Variants in IGSF5 observed in about 807,000 individuals in gnomAD.
IGSF5 encodes the protein immunoglobulin superfamily 5 like.
IGSF5 carries 41 observed loss-of-function variants against 39.4 expected under a neutral mutation model. That is an observed-to-expected ratio of 1.04 (90% CI 0.81 to 1.35). IGSF5 has a LOEUF of 1.35. IGSF5 is among the 40% of genes most tolerant of loss of function. The pLI is 0.00. For synonymous variants in IGSF5, 183 were observed against 175.3 expected (o/e 1.04, Z -0.34); for missense variants, 487 against 494.6 (o/e 0.98, Z 0.15).
intron 3 of IGSF5, among the ~76,000 whole-genome samples, chr21:39,767,916 G>A (rs1458471705): frequency 1.3e-5 from 2 of 152,172 alleles, no homozygotes; most frequent in Non-Finnish European, 2.9e-5. Context: ...AGCAAGAGAG[G>A]AGGAGGGCAT....
chr21:39,714,916 A>G, the IGSF5 span, among the ~76,000 whole-genome samples: 1 of 152,138 alleles, frequency 6.6e-6, no homozygotes, highest in South Asian at 2.1e-4. Flanking sequence ...GGTTCTACCA[A>G]CTGTCAAGTG....
chr21:39,716,375 A>G, the IGSF5 span, among the ~76,000 whole-genome samples: 1 of 152,090 alleles, frequency 6.6e-6, no homozygotes, highest in East Asian at 1.9e-4. Flanking sequence ...GTTTGGGGGT[A>G]CATGTGAAGG....
the IGSF5 span, among the ~76,000 whole-genome samples, chr21:39,739,621 A>T: frequency 6.6e-6 from 1 of 152,194 alleles, no homozygotes; most frequent in East Asian, 1.9e-4. Flanking sequence ...GGAAAACCCA[A>T]GTGCTGTTGG....
the IGSF5 span, among the ~76,000 whole-genome samples, chr21:39,733,027 A>AAAT: frequency 2.6e-5 from 4 of 152,168 alleles, no homozygotes; most frequent in African/African-American, 7.2e-5. Context: ...CCCTGTCTCA[A>AAAT]AATAATAATA....
chr21:39,781,206 T>TA (rs1432732748), intron 5 of IGSF5, among the ~76,000 whole-genome samples: 5 of 55,970 alleles, frequency 8.9e-5, no homozygotes, highest in African/African-American at 2.9e-4. Context: ...TATATTCTCT[T>TA]CCTTACATGA....
At chr21:39,767,551 G>A (rs2080092985) in intron 3 of IGSF5, among the ~76,000 whole-genome samples, 1 of 152,120 alleles carries the variant, frequency 6.6e-6, no homozygotes, top group Non-Finnish European at 1.5e-5. Context: ...TCTATGTAAA[G>A]CCTTTACCAC....
the IGSF5 span, among the ~76,000 whole-genome samples, chr21:39,737,596 A>G: frequency 6.6e-6 from 1 of 152,146 alleles, no homozygotes; most frequent in African/African-American, 2.4e-5. Flanking sequence ...GGCTTATGAT[A>G]AAGGATATTG....
At chr21:39,731,408 C>T in the IGSF5 span, among the ~76,000 whole-genome samples, 1 of 152,188 alleles carries the variant, frequency 6.6e-6, no homozygotes, top group African/African-American at 2.4e-5. Flanking sequence ...CATGTCCTTC[C>T]ATATTCCCTT....
At chr21:39,763,867 C>T (rs1233795870) in intron 2 of IGSF5, among the ~76,000 whole-genome samples, 2 of 152,222 alleles carry the variant, frequency 1.3e-5, no homozygotes, top group African/African-American at 4.8e-5. Context: ...GAACTGTTTT[C>T]AAATTCCATT....
intron 2 of IGSF5, among the ~76,000 whole-genome samples, chr21:39,749,116 T>G (rs2079990950): frequency 6.6e-6 from 1 of 152,100 alleles, no homozygotes; most frequent in Non-Finnish European, 1.5e-5. Flanking sequence ...GTTAAAGAGT[T>G]AAAAGGCTTA....
chr21:39,737,741 C>T, the IGSF5 span, among the ~76,000 whole-genome samples: 27 of 152,226 alleles, frequency 1.8e-4, no homozygotes, highest in Middle Eastern at 3.4e-3. Context: ...ATCGTTGCAG[C>T]GTGGACAGGT....
chr21:39,754,145 G>C (rs2080018759), intron 2 of IGSF5, among the ~76,000 whole-genome samples: 1 of 152,300 alleles, frequency 6.6e-6, no homozygotes, highest in South Asian at 2.1e-4. Flanking sequence ...TCTGTTTCAA[G>C]ATTTAGAACT....
At chr21:39,793,409 A>C in intron 7 of IGSF5, 125 bp from the exon 8 acceptor site, 1 of 633,194 alleles carries the variant, frequency 1.6e-6, no homozygotes, top group Non-Finnish European at 2.8e-6. Flanking sequence ...AAAAGTGTTC[A>C]TGGTTAAGGA....
At chr21:39,740,798 C>T (rs189421403), upstream of IGSF5, among the ~76,000 whole-genome samples, 73 of 152,286 alleles carry the variant, frequency 4.8e-4, no homozygotes, top group African/African-American at 1.5e-3. Context: ...AGTGCACAGT[C>T]GCAGCATTGG....
At chr21:39,716,219 C>T in the IGSF5 span, among the ~76,000 whole-genome samples, 3 of 152,178 alleles carry the variant, frequency 2.0e-5, no homozygotes, top group Admixed American at 6.5e-5. Context: ...ATACAAACAC[C>T]GCACAGGTGG....
intron 8 of IGSF5, among the ~76,000 whole-genome samples, chr21:39,795,466 G>T (rs2086990800): frequency 6.6e-6 from 1 of 151,746 alleles, no homozygotes; most frequent in Admixed American, 6.6e-5. Context: ...AAGTGTTCAG[G>T]TCTGGCGTTG....
intron 3 of IGSF5, 59 bp downstream of exon 3, chr21:39,765,911 C>T: frequency 1.3e-6 from 2 of 1,497,636 alleles, no homozygotes; most frequent in Non-Finnish European, 9.1e-7. Flanking sequence ...GCAGGAAGGA[C>T]CTTCTAAAGT....
At chr21:39,717,505 G>T in the IGSF5 span, among the ~76,000 whole-genome samples, 2 of 152,158 alleles carry the variant, frequency 1.3e-5, no homozygotes, top group Non-Finnish European at 2.9e-5. Flanking sequence ...TCCATCTTGA[G>T]CTGATTTGTG....
the IGSF5 span, among the ~76,000 whole-genome samples, chr21:39,731,067 C>T: frequency 3.9e-5 from 6 of 152,314 alleles, no homozygotes; most frequent in East Asian, 1.2e-3. Context: ...ACCCGAGGCC[C>T]ATCAGGCTGG....
Sources: gnomAD v4.1 joint callset for allele counts (sites outside exome capture counted in the v4.1 genomes callset) on GRCh38, gnomAD v4.1.1 for gene constraint, MANE v1.5 for transcripts, NCBI Gene and HGNC (gene_info 2026-07-23, HGNC 2026-07-21) for gene names.